Variants in JAK1 observed in about 807,000 individuals in gnomAD.
JAK1 encodes the protein Janus kinase 1.
Under a neutral mutation model 136.6 loss-of-function variants are expected in JAK1, and 16 were observed. That is an observed-to-expected ratio of 0.12 (90% CI 0.08 to 0.18). JAK1 has a LOEUF of 0.18. Among genes scored for constraint, JAK1 ranks in the 10% least tolerant of loss-of-function variants. The probability of loss-of-function intolerance (pLI) is 1.00; values close to 1 mark genes in which losing one functional copy is unlikely to be tolerated. For missense variants in JAK1, 859 were observed against 1,450.1 expected (o/e 0.59, Z 6.62); for synonymous variants, 492 against 519.5 (o/e 0.95, Z 0.72).
At chr1:64,845,395 C>A (rs1251919030) in intron 15 of JAK1, 118 bp downstream of exon 15, 2 of 1,157,406 alleles carry the variant, frequency 1.7e-6, no homozygotes, top group African/African-American at 3.0e-5. Context: ...AGAGCCCTGG[C>A]CCCATGGAAC....
intron 2 of JAK1, chr1:64,990,919 C>CAAAAAAAAAAAAAAAAAAAAAAAAAA (rs1173485942): frequency 4.5e-5 from 2 of 44,162 alleles, no homozygotes; most frequent in East Asian, 4.0e-4. Context: ...GACTCCGTCT[C>CAAAAAAAAAAAAAAAAAAAAAAAAAA]AAAAAAAAAA....
At chr1:65,038,281 C>T (rs947240107) in intron 2 of JAK1, among the ~76,000 whole-genome samples, 1 of 150,616 alleles carries the variant, frequency 6.6e-6, no homozygotes, top group Non-Finnish European at 1.5e-5. Context: ...TCACTGCAAC[C>T]TCTGCCTCCC....
chr1:64,846,973 G>C (rs1002384749), intron 13 of JAK1: 3 of 545,536 alleles, frequency 5.5e-6, no homozygotes, highest in African/African-American at 1.9e-5. Context: ...ATGCAGAGCA[G>C]GGCTGGTGGG....
At position 64,844,336 on chromosome 1, in the gene JAK1, A is replaced by G. The variant is rs1655091052; in HGVS notation, c.2252-121T>C. 7.9e-7 allele frequency: 1 copy of G among 1,265,576 alleles called. No homozygotes were observed. The highest frequency in any genetic ancestry group is 1.1e-6 in the Non-Finnish European group (1 of 882,056). The allele number at this position is 1,265,576 out of a possible 1,614,324, so 78.4% of individuals were successfully genotyped here. A position where few individuals can be genotyped will look rare whatever the true frequency, so the allele number is the denominator to read the frequency against. On this transcript the variant is annotated intron_variant, in intron 16 of 24. Transcript: ENST00000342505. This position sits in a 1 kb window ranked among gnomAD's most constrained non-coding sequence, Gnocchi z 5.7. ...ACTACTTCAAGCAGTGTGCCCAAAC[A>G]TGGCCCATGGCCACATAGGCCCTGT...
At chr1:65,047,784 A>G (rs774157611) in intron 1 of JAK1, among the ~76,000 whole-genome samples, 7 of 152,154 alleles carry the variant, frequency 4.6e-5, no homozygotes, top group Non-Finnish European at 7.3e-5. Flanking sequence ...GCAGCGTTAA[A>G]CACAGTAAGT....
chr1:64,978,227 G>T (rs1053950029), intron 2 of JAK1, among the ~76,000 whole-genome samples: 1 of 151,700 alleles, frequency 6.6e-6, no homozygotes, highest in Non-Finnish European at 1.5e-5. Context: ...GCAGTGAGCC[G>T]AGATCACACC....
intron 1 of JAK1, among the ~76,000 whole-genome samples, chr1:64,963,959 C>T (rs947477612): frequency 6.6e-6 from 1 of 152,076 alleles, no homozygotes; most frequent in African/African-American, 2.4e-5. Context: ...TTGTAACAAC[C>T]AAAAATGTCT....
chr1:64,876,039 G>C (rs1657384690), intron 4 of JAK1: 1 of 152,368 alleles, frequency 6.6e-6, no homozygotes, highest in African/African-American at 2.4e-5. Flanking sequence ...ATAAGAGAAT[G>C]AGAAGTAGGT....
At chr1:64,919,087 T>C (rs1012114279) in intron 1 of JAK1, among the ~76,000 whole-genome samples, 17 of 152,300 alleles carry the variant, frequency 1.1e-4, no homozygotes, top group African/African-American at 4.1e-4. Context: ...TACATAGGTA[T>C]ATATGTGCCA....
chr1:64,969,803 T>C (rs1175797183), upstream of JAK1, among the ~76,000 whole-genome samples: 1 of 152,026 alleles, frequency 6.6e-6, no homozygotes. Context: ...CTAAACAGGA[T>C]AAGAAATTCA....
chr1:64,878,788 TA>T (rs1162227311), intron 4 of JAK1, among the ~76,000 whole-genome samples: 1 of 152,068 alleles, frequency 6.6e-6, no homozygotes, highest in Non-Finnish European at 1.5e-5. Context: ...CTATTCAAAA[TA>T]TCCTCTGCCT....
At chr1:64,855,108 G>A (rs1655844097) in intron 11 of JAK1, among the ~76,000 whole-genome samples, 1 of 152,218 alleles carries the variant, frequency 6.6e-6, no homozygotes, top group African/African-American at 2.4e-5. Context: ...GCAGGGACTG[G>A]ACCTTATGCA....
At chr1:65,011,883 AGG>A (rs1393591554) in intron 2 of JAK1, among the ~76,000 whole-genome samples, 1 of 152,248 alleles carries the variant, frequency 6.6e-6, no homozygotes, top group Non-Finnish European at 1.5e-5. Context: ...CTAAGGCCTG[AGG>A]GGCTTCTCTT....
At chr1:64,982,776 T>C (rs76863576) in intron 2 of JAK1, among the ~76,000 whole-genome samples, 6,850 of 152,138 alleles carry the variant, frequency 0.045, 363 homozygotes, top group East Asian at 0.27. Context: ...TGTCTTTTTT[T>C]TTCATGTGTA....
In JAK1 at chr1:64,848,044, A is replaced by G. The variant is rs538388707; in HGVS notation, c.1756-369T>C. 3.1e-5 allele frequency: 6 copies of G among 192,522 alleles called. No individual in the cohort carries two copies. In the South Asian group the frequency reaches 8.6e-4, roughly 28 times the overall value. The allele number at this position is 192,522 out of a possible 1,614,324, so 11.9% of individuals were successfully genotyped here. ...GCCTCCAGAGAAGACTCAAGAGAGG[A>G]GCCCCCAGGCAGCTCCTCTACTCAC... On this transcript the variant is annotated intron_variant, in intron 12 of 24. Transcript: ENST00000342505.
chr1:64,976,019 G>A (rs1409895311), intron 2 of JAK1, among the ~76,000 whole-genome samples: 1 of 152,192 alleles, frequency 6.6e-6, no homozygotes, highest in Non-Finnish European at 1.5e-5. Flanking sequence ...TTTACCACTT[G>A]ATTAACACAG....
At chr1:64,964,405 A>G (rs1646337092) in intron 1 of JAK1, among the ~76,000 whole-genome samples, 1 of 152,274 alleles carries the variant, frequency 6.6e-6, no homozygotes, top group South Asian at 2.1e-4. Flanking sequence ...AATGAGTATC[A>G]ACCTACACGT....
chr1:64,908,406 T>A (rs1255770478), intron 1 of JAK1, among the ~76,000 whole-genome samples: 1 of 152,174 alleles, frequency 6.6e-6, no homozygotes, highest in Non-Finnish European at 1.5e-5. Flanking sequence ...TTTTACATAT[T>A]CTACTGTGCA....
intron 2 of JAK1, among the ~76,000 whole-genome samples, chr1:65,027,952 G>A (rs1646992033): frequency 6.6e-6 from 1 of 152,162 alleles, no homozygotes. Context: ...TGCCACAGCT[G>A]GCACAACCCC....
Sources: allele counts gnomAD v4.1 joint callset (sites outside exome capture counted in the v4.1 genomes callset), GRCh38; gene constraint gnomAD v4.1.1; non-coding constraint Gnocchi (gnomAD v3.1); transcripts MANE v1.5; gene names NCBI Gene and HGNC (gene_info 2026-07-23, HGNC 2026-07-21).